The following ZNF385D variants were observed in gnomAD, a reference collection of about 807,000 sequenced individuals.
ZNF385D encodes the protein zinc finger protein 385D.
ZNF385D carries 15 observed loss-of-function variants against 35.8 expected under a neutral mutation model. That is an observed-to-expected ratio of 0.42 (90% CI 0.28 to 0.64). ZNF385D has a LOEUF of 0.64. ZNF385D is among the 30% of genes least tolerant of loss of function. ZNF385D has a pLI of 0.23. For missense variants in ZNF385D, 474 were observed against 494.6 expected (o/e 0.96, Z 0.39); for synonymous variants, 212 against 186.8 (o/e 1.13, Z -1.10).
chr3:21,591,020 C>A (rs2063960099), intron 2 of ZNF385D, among the ~76,000 whole-genome samples: 1 of 151,800 alleles, frequency 6.6e-6, no homozygotes, highest in Non-Finnish European at 1.5e-5. Context: ...AATAGCAAGA[C>A]CTTGTCTCCC....
At chr3:21,846,262 T>A (rs1486371) in intron 3 of ZNF385D, among the ~76,000 whole-genome samples, 2 of 152,018 alleles carry the variant, frequency 1.3e-5, no homozygotes, top group Non-Finnish European at 2.9e-5. Context: ...TCAGTTCTAA[T>A]AAAAATATAC....
At chr3:21,432,457 A>G (rs1317939181) in intron 5 of ZNF385D, among the ~76,000 whole-genome samples, 1 of 152,152 alleles carries the variant, frequency 6.6e-6, no homozygotes, top group East Asian at 1.9e-4. Context: ...AAAATTATCC[A>G]ATGTTGCTAA....
intron 3 of ZNF385D, among the ~76,000 whole-genome samples, chr3:21,951,105 G>C (rs1460817403): frequency 6.6e-6 from 1 of 151,554 alleles, no homozygotes; most frequent in African/African-American, 2.4e-5. Context: ...AGCTTGATGG[G>C]GATAGCATTG....
chr3:22,115,294 C>T (rs1031326798), intron 3 of ZNF385D, among the ~76,000 whole-genome samples: 1 of 152,030 alleles, frequency 6.6e-6, no homozygotes, highest in African/African-American at 2.4e-5. Context: ...GAGACTTTGC[C>T]TTTGTGAAGT....
At chr3:22,138,340 AT>A (rs1159870981) in intron 3 of ZNF385D, among the ~76,000 whole-genome samples, 1 of 152,206 alleles carries the variant, frequency 6.6e-6, no homozygotes, top group Non-Finnish European at 1.5e-5. Flanking sequence ...TGGAATCAAA[AT>A]AGAACCCGCA....
At chr3:22,313,926 G>A (rs530816156) in intron 2 of ZNF385D, among the ~76,000 whole-genome samples, 1 of 151,996 alleles carries the variant, frequency 6.6e-6, no homozygotes, top group African/African-American at 2.4e-5. Context: ...CTTCATTTTG[G>A]CTCTCTTCTC....
intron 3 of ZNF385D, among the ~76,000 whole-genome samples, chr3:22,110,044 T>C (rs1251450465): frequency 1.2e-4 from 18 of 152,002 alleles, no homozygotes; most frequent in Admixed American, 1.2e-3. Context: ...AAAATGCTCA[T>C]CATCACTGAC....
intron 2 of ZNF385D, among the ~76,000 whole-genome samples, chr3:22,231,230 G>A (rs541266902): frequency 2.5e-4 from 38 of 152,294 alleles, no homozygotes; most frequent in African/African-American, 8.4e-4. Context: ...CTGAGAAAGT[G>A]TTGCAAGATC....
chr3:21,914,872 T>C (rs1265916364), intron 3 of ZNF385D, among the ~76,000 whole-genome samples: 1 of 151,734 alleles, frequency 6.6e-6, no homozygotes, highest in Non-Finnish European at 1.5e-5. Flanking sequence ...TAAATTACTT[T>C]GATGTTTAGC....
intron 1 of ZNF385D, among the ~76,000 whole-genome samples, chr3:21,720,017 G>A (rs549555811): frequency 2.6e-5 from 4 of 152,036 alleles, no homozygotes; most frequent in South Asian, 4.2e-4. Flanking sequence ...CTAGAATAGT[G>A]GTTGTGAAAC....
chr3:22,169,630 A>T (rs1448044420), intron 2 of ZNF385D, among the ~76,000 whole-genome samples: 1 of 152,180 alleles, frequency 6.6e-6, no homozygotes, highest in African/African-American at 2.4e-5. Context: ...CACACAAGAG[A>T]GGCTTTGAAT....
chr3:22,110,103 A>G (rs560410125), intron 3 of ZNF385D, among the ~76,000 whole-genome samples: 1 of 152,248 alleles, frequency 6.6e-6, no homozygotes, highest in East Asian at 1.9e-4. Flanking sequence ...ATCTCACACC[A>G]GTTAGAATGG....
intron 2 of ZNF385D, among the ~76,000 whole-genome samples, chr3:22,181,398 T>C (rs994759290): frequency 2.6e-5 from 4 of 151,976 alleles, no homozygotes; most frequent in Non-Finnish European, 4.4e-5. Context: ...CTTCTACCAA[T>C]AGAATATGGT....
At chr3:22,235,394 A>G (rs996006044) in intron 2 of ZNF385D, among the ~76,000 whole-genome samples, 1 of 152,152 alleles carries the variant, frequency 6.6e-6, no homozygotes, top group Admixed American at 6.5e-5. Context: ...AGGGAGAAAA[A>G]GGGAAAGACG....
chr3:21,955,330 G>A (rs536560458), intron 3 of ZNF385D, among the ~76,000 whole-genome samples: 1 of 152,114 alleles, frequency 6.6e-6, no homozygotes, highest in East Asian at 1.9e-4. Context: ...GACAGGGCAT[G>A]AAAGAAAAAA....
chr3:22,163,706 G>A (rs1706120395), intron 3 of ZNF385D, among the ~76,000 whole-genome samples: 3 of 152,012 alleles, frequency 2.0e-5, no homozygotes, highest in South Asian at 2.1e-4. Flanking sequence ...GTACCTGTTT[G>A]GATAAATTTA....
intron 4 of ZNF385D, among the ~76,000 whole-genome samples, chr3:21,508,969 C>CTTTTTT (rs200174782): frequency 1.4e-5 from 2 of 142,410 alleles, no homozygotes; most frequent in Non-Finnish European, 3.0e-5. Context: ...CACCTGGGGG[C>CTTTTTT]TTTTTTTTTT....
At chr3:21,946,321 A>G (rs1701780186) in intron 3 of ZNF385D, among the ~76,000 whole-genome samples, 1 of 152,204 alleles carries the variant, frequency 6.6e-6, no homozygotes, top group Non-Finnish European at 1.5e-5. Flanking sequence ...TTTTATGTAT[A>G]TATATTCAAT....
intron 2 of ZNF385D, among the ~76,000 whole-genome samples, chr3:22,214,172 A>C (rs774400569): frequency 3.3e-5 from 5 of 152,116 alleles, no homozygotes; most frequent in Non-Finnish European, 2.9e-5. Flanking sequence ...ATAATTTCTT[A>C]TGCCTGTCTT....
Sources: allele counts gnomAD v4.1 joint callset (sites outside exome capture counted in the v4.1 genomes callset), GRCh38; gene constraint gnomAD v4.1.1; transcripts MANE v1.5; gene names NCBI Gene and HGNC (gene_info 2026-07-23, HGNC 2026-07-21).